Variants in KCNMA1 observed in about 807,000 individuals in gnomAD.
The protein encoded by KCNMA1 is potassium calcium-activated channel subfamily M alpha 1.
A neutral mutation model predicts 140.0 loss-of-function variants in KCNMA1; 29 were observed. That is an observed-to-expected ratio of 0.21 (90% CI 0.15 to 0.28). The LOEUF (loss-of-function observed/expected upper bound fraction) is 0.28. Among genes scored for constraint, KCNMA1 ranks in the 10% least tolerant of loss-of-function variants. The probability of loss-of-function intolerance (pLI) is 1.00; values close to 1 mark genes in which losing one functional copy is unlikely to be tolerated. For missense variants in KCNMA1, 880 were observed against 1,602.2 expected, an observed-to-expected ratio of 0.55 and a Z score of 7.70; for synonymous variants, 612 against 611.9, an observed-to-expected ratio of 1.00 and a Z score of 0.00.
intron 19 of KCNMA1, among the ~76,000 whole-genome samples, chr10:76,979,269 A>T (rs910455108): frequency 6.6e-6 from 1 of 152,202 alleles, no homozygotes; most frequent in African/African-American, 2.4e-5. Flanking sequence ...AGTGGAGAAA[A>T]GATCATGCTG....
At chr10:77,449,665 C>T (rs868801460) in intron 1 of KCNMA1, among the ~76,000 whole-genome samples, 7 of 129,442 alleles carry the variant, frequency 5.4e-5, no homozygotes, top group South Asian at 2.4e-4. Context: ...TTTTTTGAGA[C>T]GGAGTCTCAC....
At chr10:77,326,264 G>T (rs535026695) in intron 2 of KCNMA1, among the ~76,000 whole-genome samples, 2 of 152,158 alleles carry the variant, frequency 1.3e-5, no homozygotes, top group African/African-American at 2.4e-5. Context: ...CTTAGCTCAG[G>T]TTCCCCCACA....
chr10:77,347,553 G>C (rs567426461), intron 2 of KCNMA1, among the ~76,000 whole-genome samples: 70 of 152,302 alleles, frequency 4.6e-4, no homozygotes, highest in African/African-American at 1.5e-3. Flanking sequence ...CCAGAGGCCA[G>C]GGTTTGACTC....
At chr10:77,018,547 C>T (rs1449478905) in intron 17 of KCNMA1, among the ~76,000 whole-genome samples, 1 of 152,148 alleles carries the variant, frequency 6.6e-6, no homozygotes, top group Non-Finnish European at 1.5e-5. Context: ...TAGGAGGCCA[C>T]AAATAGAAAT....
intron 5 of KCNMA1, among the ~76,000 whole-genome samples, chr10:77,171,270 A>G (rs2098702820): frequency 6.6e-6 from 1 of 152,168 alleles, no homozygotes; most frequent in South Asian, 2.1e-4. Flanking sequence ...ACTCTGGTGC[A>G]CTCAAAGTTT....
At chr10:77,393,598 C>T in intron 2 of KCNMA1, among the ~76,000 whole-genome samples, 1 of 152,200 alleles carries the variant, frequency 6.6e-6, no homozygotes, top group East Asian at 1.9e-4. Context: ...CAGGAGTCTG[C>T]AGAGGCTGGG....
At chr10:76,870,153 T>A (rs2030969982) in exon 28 of KCNMA1, 1 of 152,798 alleles carries the variant, frequency 6.5e-6, no homozygotes, top group East Asian at 1.9e-4. Flanking sequence ...GAGCGAGCGC[T>A]CTGGGGCAGA....
At chr10:77,291,302 A>C (rs1311377690) in intron 2 of KCNMA1, among the ~76,000 whole-genome samples, 1 of 152,196 alleles carries the variant, frequency 6.6e-6, no homozygotes, top group Non-Finnish European at 1.5e-5. Context: ...AACTTTGATA[A>C]AGTACCAGTC....
chr10:77,254,616 T>A (rs1478602289), intron 2 of KCNMA1, among the ~76,000 whole-genome samples: 1 of 152,200 alleles, frequency 6.6e-6, no homozygotes, highest in Non-Finnish European at 1.5e-5. Flanking sequence ...GTTTAGCCAA[T>A]ATAAAATGAA....
At chr10:77,390,841 T>A (rs1361924616) in intron 2 of KCNMA1, among the ~76,000 whole-genome samples, 2 of 152,294 alleles carry the variant, frequency 1.3e-5, no homozygotes, top group East Asian at 3.9e-4. Context: ...ATGCCACTTT[T>A]TTTTTTGTGA....
rs187883792 is a variant in KCNMA1 at position 76,938,639 on chromosome 10, C to T, written c.2902+6134G>A. Among the ~76,000 whole-genome samples the T allele has an allele frequency of 1.4e-3, 212 of 152,264 alleles. 1 individual carries two copies. The highest frequency in any genetic ancestry group is 5.0e-3 in the African/African-American group (207 of 41,558). The stretch of plus-strand genomic sequence containing the variant: ...TAGTGAATTATTTACAGCTTCCTAA[C>T]TCATAAACACATAAAAAATTATTTA... On this transcript the variant is annotated intron_variant, in intron 23 of 27. Coordinates refer to ENST00000286628, the MANE Select transcript of KCNMA1 (RefSeq NM_001161352.2).
chr10:77,581,826 C>T (rs143058737), intron 1 of KCNMA1, among the ~76,000 whole-genome samples: 8 of 152,334 alleles, frequency 5.3e-5, no homozygotes, highest in African/African-American at 9.6e-5. Context: ...TCCCACTCTC[C>T]GGCTGTCACT....
At chr10:77,523,111 A>G (rs2054069664) in intron 1 of KCNMA1, among the ~76,000 whole-genome samples, 3 of 151,860 alleles carry the variant, frequency 2.0e-5, no homozygotes, top group Admixed American at 2.0e-4. Context: ...CATTGTAGCA[A>G]GATCTTGGTC....
chr10:77,180,788 G>A (rs929820643), intron 5 of KCNMA1, among the ~76,000 whole-genome samples: 3 of 152,040 alleles, frequency 2.0e-5, no homozygotes, highest in African/African-American at 7.2e-5. Context: ...TTTGGAAAGC[G>A]ACCACAGTTG....
chr10:77,114,715 C>G (rs1409697519), intron 6 of KCNMA1, among the ~76,000 whole-genome samples: 1 of 152,226 alleles, frequency 6.6e-6, no homozygotes, highest in African/African-American at 2.4e-5. Context: ...GCTCTCAACT[C>G]CAGCCATTCA....
intron 2 of KCNMA1, among the ~76,000 whole-genome samples, chr10:77,271,795 T>C (rs923812446): frequency 4.6e-5 from 7 of 152,146 alleles, no homozygotes; most frequent in Non-Finnish European, 2.9e-5. Flanking sequence ...TTGATTCACC[T>C]GAGCCTTACC....
At chr10:76,928,440 A>T (rs989884217) in intron 23 of KCNMA1, among the ~76,000 whole-genome samples, 6 of 152,102 alleles carry the variant, frequency 3.9e-5, no homozygotes, top group Non-Finnish European at 5.9e-5. Context: ...AACACTGGCC[A>T]ATGCTTGGTG....
At chr10:77,495,881 C>G (rs552969345) in intron 1 of KCNMA1, among the ~76,000 whole-genome samples, 35 of 152,306 alleles carry the variant, frequency 2.3e-4, no homozygotes, top group African/African-American at 7.9e-4. Context: ...GCCACCAGTA[C>G]CCCCGCGGTT....
At chr10:77,337,312 A>G (rs2089422372) in intron 2 of KCNMA1, among the ~76,000 whole-genome samples, 1 of 152,210 alleles carries the variant, frequency 6.6e-6, no homozygotes, top group Admixed American at 6.5e-5. Flanking sequence ...ATTACAGAGG[A>G]AGAAGAAACA....
Sources: gnomAD v4.1 joint callset for allele counts (sites outside exome capture counted in the v4.1 genomes callset) on GRCh38, gnomAD v4.1.1 for gene constraint, MANE v1.5 for transcripts, NCBI Gene and HGNC (gene_info 2026-07-23, HGNC 2026-07-21) for gene names.